FRMPD4: variants seen among roughly 807,000 people sequenced by gnomAD.
FRMPD4 encodes FERM and PDZ domain-containing protein 4.
A neutral mutation model predicts 94.1 loss-of-function variants in FRMPD4; 22 were observed. That is an observed-to-expected ratio of 0.23 (90% CI 0.17 to 0.33). The LOEUF (loss-of-function observed/expected upper bound fraction) is 0.33, where lower values mean the gene tolerates loss of function less well. Ranked by LOEUF, FRMPD4 falls within the 10% of genes least tolerant of loss-of-function variation. FRMPD4 has a pLI of 1.00. For synonymous variants in FRMPD4, 631 were observed against 548.6 expected, an observed-to-expected ratio of 1.15 and a Z score of -2.10; for missense variants, 1,111 against 1,339.9, an observed-to-expected ratio of 0.83 and a Z score of 2.67.
chrX:12,556,849 G>GC (rs1323541112), intron 2 of FRMPD4, among the ~76,000 whole-genome samples: 2 of 52,233 alleles, frequency 3.8e-5, no homozygotes, highest in African/African-American at 5.2e-5. Flanking sequence ...GGGTATACAA[G>GC]TTTGTTTGTT....
At chrX:12,578,884 T>C (rs1012168698) in intron 2 of FRMPD4, among the ~76,000 whole-genome samples, 1 of 112,125 alleles carries the variant, frequency 8.9e-6, no homozygotes, top group Non-Finnish European at 1.9e-5. Flanking sequence ...GTCACCTTAC[T>C]GCACAAAAGA....
At chrX:12,362,355 C>G (rs1021110416) in intron 1 of FRMPD4, among the ~76,000 whole-genome samples, 2 of 110,629 alleles carry the variant, frequency 1.8e-5, no homozygotes, top group Admixed American at 9.6e-5. Context: ...ATCCCTCCCC[C>G]CTCCTCCCAC....
At chrX:11,998,236 G>C (rs1479838540) in intron 3 of FRMPD4, among the ~76,000 whole-genome samples, 2 of 111,503 alleles carry the variant, frequency 1.8e-5, no homozygotes, top group Non-Finnish European at 3.8e-5. Context: ...TGTAACTCCG[G>C]CATAACACCT....
intron 3 of FRMPD4, among the ~76,000 whole-genome samples, chrX:12,061,483 A>T (rs769440278): frequency 6.3e-5 from 7 of 111,947 alleles, no homozygotes; most frequent in African/African-American, 2.3e-4. Flanking sequence ...CTCCTGCAAT[A>T]CCCATTGGGG....
chrX:11,842,063 T>C (rs1378223476), intron 1 of FRMPD4, among the ~76,000 whole-genome samples: 2 of 109,011 alleles, frequency 1.8e-5, no homozygotes, highest in African/African-American at 6.8e-5. Context: ...GTTGTAGATA[T>C]GTGGCGTTAT....
intron 3 of FRMPD4, among the ~76,000 whole-genome samples, chrX:11,908,933 T>A (rs1048932996): frequency 8.9e-6 from 1 of 112,181 alleles, no homozygotes; most frequent in East Asian, 2.8e-4. Flanking sequence ...ATATCCTTTT[T>A]ATATGTTGCT....
In FRMPD4 at chrX:12,160,679, T is replaced by C. The variant is rs185224445; in HGVS notation, c.41+21667T>C. ...TTCCTAATACTGCCCCAAGATATAATTATCTTCTTTCAGAGGAAGGCAGAA... is the reference window on the plus strand; with the variant it reads ...TTCCTAATACTGCCCCAAGATATAACTATCTTCTTTCAGAGGAAGGCAGAA... On this transcript the variant is annotated intron_variant, in intron 1 of 16. Coordinates refer to ENST00000675598, the MANE Select transcript of FRMPD4 (RefSeq NM_001368397.1). Among the ~76,000 whole-genome samples the C allele has an allele frequency of 1.3e-4, 15 of 111,847 alleles. No homozygotes were observed. The East Asian group carries it at 4.2e-3, about 31-fold the overall frequency.
At chrX:12,644,717 G>T (rs2059532128) in intron 4 of FRMPD4, among the ~76,000 whole-genome samples, 1 of 111,805 alleles carries the variant, frequency 8.9e-6, no homozygotes, top group African/African-American at 3.3e-5. Flanking sequence ...ACCCAGCCCA[G>T]GTTGGAATCT....
intron 4 of FRMPD4, among the ~76,000 whole-genome samples, chrX:12,650,776 T>C (rs1279903436): frequency 1.8e-5 from 2 of 112,890 alleles, no homozygotes; most frequent in Non-Finnish European, 3.7e-5. Context: ...AAAAACAATT[T>C]ATATATCTGT....
At chrX:11,931,688 A>G (rs2054122991) in intron 3 of FRMPD4, among the ~76,000 whole-genome samples, 1 of 112,505 alleles carries the variant, frequency 8.9e-6, no homozygotes, top group African/African-American at 3.2e-5. Flanking sequence ...TCAGGGAAGG[A>G]GAAATAACTT....
intron 3 of FRMPD4, among the ~76,000 whole-genome samples, chrX:12,041,135 ATG>A (rs762658901): frequency 5.4e-4 from 61 of 111,933 alleles, no homozygotes; most frequent in Non-Finnish European, 9.4e-4. Context: ...TAAATTACAT[ATG>A]TGTTATAAAC....
chrX:11,990,156 A>G (rs888442437), intron 3 of FRMPD4, among the ~76,000 whole-genome samples: 1 of 112,596 alleles, frequency 8.9e-6, no homozygotes, highest in African/African-American at 3.2e-5. Context: ...GATACATACT[A>G]CAGTATGGAT....
chrX:11,873,132 T>C (rs1248755053), intron 2 of FRMPD4, among the ~76,000 whole-genome samples: 1 of 111,593 alleles, frequency 9.0e-6, no homozygotes, highest in African/African-American at 3.3e-5. Context: ...TAAGGTTCAG[T>C]TTATCAACTC....
chrX:11,964,731 C>T (rs1368928403), intron 3 of FRMPD4, among the ~76,000 whole-genome samples: 1 of 112,696 alleles, frequency 8.9e-6, no homozygotes, highest in Admixed American at 9.3e-5. Flanking sequence ...TTGTCTATTA[C>T]TGCTAGGACA....
At chrX:12,322,354 G>C (rs1366221192) in intron 1 of FRMPD4, among the ~76,000 whole-genome samples, 1 of 111,364 alleles carries the variant, frequency 9.0e-6, no homozygotes, top group Non-Finnish European at 1.9e-5. Flanking sequence ...GTGATACAAG[G>C]TAATTGAAGG....
At chrX:12,384,878 T>A (rs1054959942) in intron 1 of FRMPD4, among the ~76,000 whole-genome samples, 1 of 112,368 alleles carries the variant, frequency 8.9e-6, no homozygotes, top group African/African-American at 3.2e-5. Context: ...CTAAAAGTTA[T>A]TAATTAGGAA....
chrX:11,990,051 C>G (rs1386009466), intron 3 of FRMPD4, among the ~76,000 whole-genome samples: 2 of 111,975 alleles, frequency 1.8e-5, no homozygotes, highest in Non-Finnish European at 3.8e-5. Flanking sequence ...AAGATAGAAA[C>G]TGCCAAAATG....
At chrX:12,274,235 A>G (rs189537497) in intron 1 of FRMPD4, among the ~76,000 whole-genome samples, 2 of 111,296 alleles carry the variant, frequency 1.8e-5, no homozygotes, top group East Asian at 5.6e-4. Flanking sequence ...GGTTTTATGG[A>G]GCCAGAAACT....
At chrX:12,035,735 A>G (rs2054717179) in intron 3 of FRMPD4, among the ~76,000 whole-genome samples, 1 of 111,437 alleles carries the variant, frequency 9.0e-6, no homozygotes, top group African/African-American at 3.3e-5. Flanking sequence ...AGCGAGGTCC[A>G]ACAGAGATCA....
Sources: allele counts gnomAD v4.1 joint callset (sites outside exome capture counted in the v4.1 genomes callset), GRCh38; gene constraint gnomAD v4.1.1; transcripts MANE v1.5; gene names NCBI Gene and HGNC (gene_info 2026-07-23, HGNC 2026-07-21).